PARM1: variants seen among roughly 807,000 people sequenced by gnomAD.
PARM1 encodes prostate androgen-regulated mucin-like protein 1, also known as WSC4, cell wall integrity and stress response component 4 homolog.
Under a neutral mutation model 24.6 loss-of-function variants are expected in PARM1, and 14 were observed. The observed-to-expected ratio is 0.57, with a 90% confidence interval of 0.38 to 0.89. The LOEUF is 0.89. Among genes scored for constraint, PARM1 ranks in the 40% least tolerant of loss-of-function variants. The pLI is 0.00. For missense variants in PARM1, 362 were observed against 380.4 expected, an observed-to-expected ratio of 0.95 and a Z score of 0.40; for synonymous variants, 179 against 156.6, an observed-to-expected ratio of 1.14 and a Z score of -1.07.
At chr4:75,037,220 C>T (rs1051488884) in intron 3 of PARM1, among the ~76,000 whole-genome samples, 1 of 152,168 alleles carries the variant, frequency 6.6e-6, no homozygotes, top group Non-Finnish European at 1.5e-5. Flanking sequence ...AATAACATAA[C>T]AAAAGATCTG....
chr4:74,992,861 C>T (rs79094918), intron 1 of PARM1, among the ~76,000 whole-genome samples: 1,658 of 152,202 alleles, frequency 0.011, 39 homozygotes, highest in African/African-American at 0.038. Flanking sequence ...AGGAAAGTGA[C>T]GCCAGATGAA....
chr4:75,034,125 G>T (rs2109809478), intron 3 of PARM1, among the ~76,000 whole-genome samples, 164 bp downstream of exon 3: 1 of 152,260 alleles, frequency 6.6e-6, no homozygotes, highest in East Asian at 1.9e-4. Context: ...CACAACACAG[G>T]TATAGACGTA....
chr4:75,001,336 C>A (rs1039448920), intron 1 of PARM1, among the ~76,000 whole-genome samples: 1 of 152,186 alleles, frequency 6.6e-6, no homozygotes, highest in Non-Finnish European at 1.5e-5. Context: ...AGAGGTGAGT[C>A]TCACAGTGAG....
chr4:75,040,854 CCTCT>C (rs1423376875), intron 3 of PARM1, among the ~76,000 whole-genome samples: 1 of 152,080 alleles, frequency 6.6e-6, no homozygotes, highest in Non-Finnish European at 1.5e-5. Flanking sequence ...CTTGCTGCTC[CCTCT>C]GTCTACACGG....
At chr4:74,992,292 G>A (rs1168086339) in intron 1 of PARM1, among the ~76,000 whole-genome samples, 1 of 152,032 alleles carries the variant, frequency 6.6e-6, no homozygotes. Context: ...CAAAGTAATA[G>A]AACGTTTTCA....
chr4:75,036,710 T>C (rs982259115), intron 3 of PARM1, among the ~76,000 whole-genome samples: 2 of 152,240 alleles, frequency 1.3e-5, no homozygotes, highest in Non-Finnish European at 2.9e-5. Context: ...GAGTGCTGAT[T>C]AAAATTTTAT....
At chr4:74,984,853 A>T (rs1722320221) in intron 1 of PARM1, among the ~76,000 whole-genome samples, 1 of 152,216 alleles carries the variant, frequency 6.6e-6, no homozygotes, top group Non-Finnish European at 1.5e-5. Context: ...ACTAAGAAGA[A>T]TATGCAGTAG....
At chr4:74,980,914 G>T (rs1459139077) in intron 1 of PARM1, among the ~76,000 whole-genome samples, 1 of 152,156 alleles carries the variant, frequency 6.6e-6, no homozygotes, top group Non-Finnish European at 1.5e-5. Context: ...AAACTAGCTA[G>T]CCATATGCAG....
At chr4:74,963,824 A>T (rs768321193) in intron 1 of PARM1, among the ~76,000 whole-genome samples, 3 of 152,214 alleles carry the variant, frequency 2.0e-5, no homozygotes, top group Non-Finnish European at 4.4e-5. Flanking sequence ...ATGTTTACAT[A>T]TTATAAAATT....
chr4:74,960,303 C>G (rs1004567639), intron 1 of PARM1, among the ~76,000 whole-genome samples: 2 of 152,158 alleles, frequency 1.3e-5, no homozygotes, highest in Non-Finnish European at 2.9e-5. Context: ...TTTTTCTTCT[C>G]CTCCTCCTAC....
intron 1 of PARM1, among the ~76,000 whole-genome samples, chr4:74,937,190 T>G (rs940481740): frequency 6.6e-6 from 1 of 152,232 alleles, no homozygotes; most frequent in Non-Finnish European, 1.5e-5. Flanking sequence ...GTCAGCTTAG[T>G]AGCCTTATCA....
chr4:74,968,053 C>T (rs1041679062), intron 1 of PARM1, among the ~76,000 whole-genome samples: 3 of 152,184 alleles, frequency 2.0e-5, no homozygotes, highest in Admixed American at 2.0e-4. Context: ...AATTCTAGCA[C>T]CATCTCTTAG....
intron 1 of PARM1, among the ~76,000 whole-genome samples, chr4:74,968,043 A>C (rs914695710): frequency 1.3e-5 from 2 of 152,218 alleles, no homozygotes; most frequent in African/African-American, 4.8e-5. Flanking sequence ...AAAACTTTTT[A>C]ATTCTAGCAC....
At chr4:75,017,763 G>C (rs1723014838) in intron 2 of PARM1, among the ~76,000 whole-genome samples, 1 of 152,184 alleles carries the variant, frequency 6.6e-6, no homozygotes, top group African/African-American at 2.4e-5. Flanking sequence ...CTAGAACAGA[G>C]CCCAACACAT....
intron 1 of PARM1, among the ~76,000 whole-genome samples, chr4:74,999,341 T>C (rs887103441): frequency 3.9e-5 from 6 of 152,196 alleles, no homozygotes; most frequent in African/African-American, 1.4e-4. Context: ...ACCAGTCCTT[T>C]CCTTTCAGCA....
chr4:75,036,606 C>CCAGGG (rs1560799836), intron 3 of PARM1, among the ~76,000 whole-genome samples: 3 of 152,158 alleles, frequency 2.0e-5, no homozygotes, highest in African/African-American at 7.2e-5. Context: ...CAGCCATGTG[C>CCAGGG]CAGGCCACAT....
intron 1 of PARM1, among the ~76,000 whole-genome samples, chr4:75,005,228 C>T (rs898037665): frequency 3.3e-5 from 5 of 152,176 alleles, no homozygotes; most frequent in African/African-American, 1.2e-4. Context: ...AGCAATGCTC[C>T]CGGCTGACTT....
At chr4:75,017,266 C>T (rs1339582755) in intron 2 of PARM1, among the ~76,000 whole-genome samples, 1 of 152,196 alleles carries the variant, frequency 6.6e-6, no homozygotes, top group African/African-American at 2.4e-5. Context: ...TCACTCCCCG[C>T]TCTGAATCAG....
chr4:74,995,565 G>C (rs1357028683), intron 1 of PARM1, among the ~76,000 whole-genome samples: 1 of 152,072 alleles, frequency 6.6e-6, no homozygotes, highest in African/African-American at 2.4e-5. Flanking sequence ...GTTTGAACGG[G>C]GTAGTCTGGC....
Sources: gnomAD v4.1 joint callset for allele counts (sites outside exome capture counted in the v4.1 genomes callset) on GRCh38, gnomAD v4.1.1 for gene constraint, MANE v1.5 for transcripts, NCBI Gene and HGNC (gene_info 2026-07-23, HGNC 2026-07-21) for gene names.